Variants in TRAPPC9 observed in about 807,000 individuals in gnomAD.
The protein encoded by TRAPPC9 is trafficking protein particle complex subunit 9.
In TRAPPC9, 83 loss-of-function variants were observed where a neutral mutation model predicts 124.0. The observed-to-expected ratio is 0.67, with a 90% CI of 0.56 to 0.80. TRAPPC9 has a LOEUF of 0.80. TRAPPC9 is among the 30% of genes least tolerant of loss of function. The pLI, the probability that TRAPPC9 is intolerant of heterozygous loss-of-function variation, is 0.00. For missense variants in TRAPPC9, 1,302 were observed against 1,508.3 expected (o/e 0.86, Z 2.27); for synonymous variants, 638 against 617.5 (o/e 1.03, Z -0.49).
At chr8:140,020,343 T>C (rs1306277000) in intron 18 of TRAPPC9, among the ~76,000 whole-genome samples, 3 of 152,200 alleles carry the variant, frequency 2.0e-5, no homozygotes, top group Non-Finnish European at 4.4e-5. Flanking sequence ...CCATTTCTAA[T>C]ACAAACATTT....
intron 19 of TRAPPC9, among the ~76,000 whole-genome samples, chr8:139,928,962 G>A (rs1016230): frequency 0.16 from 23,881 of 151,732 alleles, 2,128 homozygotes; most frequent in South Asian, 0.25. Context: ...CAAGCATCAC[G>A]CCCCTCGATG....
At chr8:139,951,526 G>A (rs188944236) in intron 19 of TRAPPC9, among the ~76,000 whole-genome samples, 8 of 152,330 alleles carry the variant, frequency 5.3e-5, no homozygotes, top group Non-Finnish European at 5.9e-5. Context: ...CGTACCATTA[G>A]AATGTCAAGT....
At chr8:140,234,543 A>G (rs2063684177) in intron 16 of TRAPPC9, among the ~76,000 whole-genome samples, 1 of 152,242 alleles carries the variant, frequency 6.6e-6, no homozygotes, top group Non-Finnish European at 1.5e-5. Flanking sequence ...CAGATATGCA[A>G]TAAGTATTTG....
chr8:140,345,086 C>A (rs1588184912), intron 9 of TRAPPC9, among the ~76,000 whole-genome samples: 1 of 152,226 alleles, frequency 6.6e-6, no homozygotes, highest in East Asian at 1.9e-4. Context: ...GACAGTCAGG[C>A]CTGCAGCACC....
intron 4 of TRAPPC9, among the ~76,000 whole-genome samples, chr8:140,433,227 G>C (rs949161677): frequency 6.6e-6 from 1 of 151,806 alleles, no homozygotes; most frequent in Non-Finnish European, 1.5e-5. Flanking sequence ...GGGAGGCAGA[G>C]GTTATAGTGA....
chr8:140,115,019 T>C (rs1293581983), intron 17 of TRAPPC9, among the ~76,000 whole-genome samples: 2 of 152,134 alleles, frequency 1.3e-5, no homozygotes, highest in Admixed American at 6.5e-5. Flanking sequence ...AAGCCCACAA[T>C]GTAAGCAAAG....
chr8:140,456,282 G>A (rs1053558467), intron 1 of TRAPPC9, among the ~76,000 whole-genome samples: 5 of 151,952 alleles, frequency 3.3e-5, no homozygotes, highest in African/African-American at 9.7e-5. Context: ...CATGGTGGCA[G>A]GCACCTGTAA....
chr8:139,815,589 A>G (rs879883991), intron 21 of TRAPPC9, among the ~76,000 whole-genome samples: 1 of 152,074 alleles, frequency 6.6e-6, no homozygotes, highest in Non-Finnish European at 1.5e-5. Context: ...ACAGGGTTTC[A>G]CCATGTTGGC....
At chr8:140,140,148 T>C (rs2061362586) in intron 17 of TRAPPC9, among the ~76,000 whole-genome samples, 1 of 152,140 alleles carries the variant, frequency 6.6e-6, no homozygotes, top group Non-Finnish European at 1.5e-5. Context: ...CAAGGGCTTC[T>C]TGGAAGTAGC....
intron 19 of TRAPPC9, among the ~76,000 whole-genome samples, chr8:139,972,877 C>G (rs2665940): frequency 0.87 from 132,641 of 152,170 alleles, 58,024 homozygotes; most frequent in East Asian, 0.99. Context: ...GTTCCAGTTC[C>G]CCACAGCTGA....
At position 140,032,687 on chromosome 8, in the gene TRAPPC9, A is replaced by G. The variant is rs1840577872; in HGVS notation, c.2557-8608T>C. Reference sequence around the variant, plus strand: ...ATATTTTGTTATTATGAACAATGTTATAATAAATAACCACATACATAAGTT... The same window carrying G: ...ATATTTTGTTATTATGAACAATGTTGTAATAAATAACCACATACATAAGTT... On this transcript the variant is annotated intron_variant, in intron 17 of 22. Transcript: ENST00000438773. Among the ~76,000 whole-genome samples, 4 of 152,246 alleles carry G rather than the reference A, an allele frequency of 2.6e-5. No homozygotes were observed. The South Asian group carries it at 8.3e-4, about 31-fold the overall frequency.
chr8:140,098,534 A>C (rs1418178280), intron 17 of TRAPPC9: 1 of 151,978 alleles, frequency 6.6e-6, no homozygotes, highest in South Asian at 2.1e-4. Context: ...CAGTTCCCGC[A>C]GCACCACCTT....
chr8:139,764,968 C>T (rs1446388354), intron 21 of TRAPPC9, among the ~76,000 whole-genome samples: 2 of 152,200 alleles, frequency 1.3e-5, no homozygotes, highest in Non-Finnish European at 2.9e-5. Flanking sequence ...CTCCTACCAT[C>T]GTCTCCATCA....
chr8:140,108,591 G>C (rs2060709442), intron 17 of TRAPPC9, among the ~76,000 whole-genome samples: 1 of 152,254 alleles, frequency 6.6e-6, no homozygotes. Flanking sequence ...TGTATGACCA[G>C]GAAGATAAGT....
chr8:139,843,701 G>A (rs1411536068), intron 21 of TRAPPC9, among the ~76,000 whole-genome samples: 1 of 152,200 alleles, frequency 6.6e-6, no homozygotes, highest in Non-Finnish European at 1.5e-5. Context: ...GGGGCCGGGA[G>A]CCAAGGAGAG....
intron 6 of TRAPPC9, among the ~76,000 whole-genome samples, chr8:140,398,905 G>A (rs1048587955): frequency 6.6e-6 from 1 of 152,254 alleles, no homozygotes; most frequent in African/African-American, 2.4e-5. Flanking sequence ...GGAGGCCTAG[G>A]AGGAAAAAGT....
intron 19 of TRAPPC9, among the ~76,000 whole-genome samples, chr8:139,964,272 G>T (rs1242310110): frequency 1.3e-5 from 2 of 151,562 alleles, no homozygotes; most frequent in African/African-American, 4.8e-5. Flanking sequence ...GGAGGCCAGG[G>T]AAGGCCTCAG....
chr8:140,237,053 C>T (rs1475814865), intron 16 of TRAPPC9, among the ~76,000 whole-genome samples: 2 of 152,010 alleles, frequency 1.3e-5, no homozygotes, highest in African/African-American at 2.4e-5. Context: ...TGGTGACACA[C>T]GCATGTAGTC....
rs540358991 is a variant in TRAPPC9, at chr8:139,885,943, C to T, written c.2991G>A (p.Ala997=). The change falls in exon 21 of 23, where the codon GCG becomes GCA. Residue 997 remains alanine (A), a synonymous_variant. Coordinates refer to ENST00000438773, the MANE Select transcript of TRAPPC9 (RefSeq NM_001160372.4). ...RIPSLKRSGE[A]SVEGLLNQLV... Reference sequence around the variant, plus strand: ...GCTGGTTCAGGAGTCCTTCCACACTCGCCTCGCCACTGCGCTTCAGGGAGG... The same window carrying T: ...GCTGGTTCAGGAGTCCTTCCACACTTGCCTCGCCACTGCGCTTCAGGGAGG... The T allele has an allele frequency of 1.1e-4, 178 of 1,571,280 alleles. 4 individuals carry two copies. The South Asian group carries it at 1.7e-3, about 15-fold the overall frequency.
Sources: gnomAD v4.1 joint callset for allele counts (sites outside exome capture counted in the v4.1 genomes callset) on GRCh38, gnomAD v4.1.1 for gene constraint, MANE v1.5 for transcripts, NCBI Gene and HGNC (gene_info 2026-07-23, HGNC 2026-07-21) for gene names.